Variants in CEP350 observed in about 807,000 individuals in gnomAD.
The protein encoded by CEP350 is centrosome-associated protein 350.
CEP350 carries 126 observed loss-of-function variants against 331.8 expected under a neutral mutation model. That is an observed-to-expected ratio of 0.38 (90% CI 0.33 to 0.44). The LOEUF (loss-of-function observed/expected upper bound fraction) is 0.44, where lower values mean the gene tolerates loss of function less well. CEP350 is among the 20% of genes least tolerant of loss of function. CEP350 has a pLI of 1.00. For missense variants in CEP350, 3,406 were observed against 3,634.6 expected (o/e 0.94, Z 1.62); for synonymous variants, 1,200 against 1,259.5 (o/e 0.95, Z 1.00).
chr1:180,021,709 C>T (rs1335578607), intron 12 of CEP350, among the ~76,000 whole-genome samples: 1 of 151,994 alleles, frequency 6.6e-6, no homozygotes, highest in African/African-American at 2.4e-5. Context: ...TGATTTGTGA[C>T]TTCTTGGGAA....
intron 1 of CEP350, among the ~76,000 whole-genome samples, chr1:179,973,396 A>C (rs1214627534): frequency 2.0e-5 from 3 of 152,194 alleles, no homozygotes; most frequent in Non-Finnish European, 4.4e-5. Flanking sequence ...TCTGCTGTTC[A>C]GTGAATCTAG....
intron 14 of CEP350, among the ~76,000 whole-genome samples, chr1:180,024,835 A>G (rs1192393374): frequency 6.6e-6 from 1 of 152,200 alleles, no homozygotes; most frequent in Non-Finnish European, 1.5e-5. Flanking sequence ...AAGAAAGACA[A>G]ATTTCCTTTG....
intron 26 of CEP350, 66 bp from the exon 27 acceptor site, chr1:180,065,049 A>G (rs533725650): frequency 7.0e-7 from 1 of 1,424,316 alleles, no homozygotes; most frequent in Middle Eastern, 1.9e-4. Context: ...TTTTGAATTG[A>G]CAGTATTATG....
chr1:180,017,247 C>T (rs898617211), intron 11 of CEP350, among the ~76,000 whole-genome samples: 2 of 152,196 alleles, frequency 1.3e-5, no homozygotes, highest in Non-Finnish European at 1.5e-5. Flanking sequence ...AACTACTCTA[C>T]ATACTACTCC....
chr1:179,990,442 A>T (rs927555328), intron 3 of CEP350, 65 bp from the exon 4 acceptor site: 2 of 792,176 alleles, frequency 2.5e-6, no homozygotes, highest in African/African-American at 3.5e-5. Flanking sequence ...ATAACCATGT[A>T]AATTGATGGT....
At chr1:179,964,134 T>A (rs904771168) in intron 1 of CEP350, among the ~76,000 whole-genome samples, 1 of 152,158 alleles carries the variant, frequency 6.6e-6, no homozygotes, top group African/African-American at 2.4e-5. Context: ...ATTATTGGCA[T>A]ATAGAAATGC....
rs77565204 is a variant in CEP350 at position 179,986,383 on chromosome 1, C to T, written c.73+129C>T. Reference sequence around the variant, plus strand: ...AAAGTGGATAAATCATTTTAAAATTCTCTTATATTTTAAATATACCTGGTG... The same window carrying T: ...AAAGTGGATAAATCATTTTAAAATTTTCTTATATTTTAAATATACCTGGTG... On this transcript the variant is annotated intron_variant, in intron 2 of 37. Transcript: ENST00000367607. 2.5e-3 allele frequency: 1,465 copies of T among 578,646 alleles called. 18 individuals carry two copies. Among genetic ancestry groups the T allele is most frequent in the African/African-American group, 0.025 (1,314 of 53,374 alleles). 35.8% of individuals were successfully genotyped at this position (578,646 alleles called of 1,614,324 possible).
At chr1:180,042,251 G>C (rs1455465880) in intron 19 of CEP350, among the ~76,000 whole-genome samples, 1 of 151,734 alleles carries the variant, frequency 6.6e-6, no homozygotes, top group Non-Finnish European at 1.5e-5. Context: ...TCAGTCCTGG[G>C]GAACCACTGA....
intron 26 of CEP350, among the ~76,000 whole-genome samples, chr1:180,064,099 A>G (rs867014940): frequency 1.3e-5 from 2 of 152,010 alleles, no homozygotes; most frequent in Non-Finnish European, 2.9e-5. Context: ...AAGTTGGGCT[A>G]TTCCCATCTC....
chr1:180,107,030 T>C (rs954921261), intron 37 of CEP350, among the ~76,000 whole-genome samples: 2 of 152,188 alleles, frequency 1.3e-5, no homozygotes, highest in African/African-American at 4.8e-5. Flanking sequence ...CCCAGCTTCG[T>C]GTCATTTCTA....
chr1:179,982,679 T>C (rs1045843755), intron 1 of CEP350, among the ~76,000 whole-genome samples: 3 of 152,344 alleles, frequency 2.0e-5, no homozygotes, highest in South Asian at 2.1e-4. Context: ...CAAAAAGATA[T>C]CTGCCCAAAG....
At chr1:180,101,028 A>G (rs899083856) in intron 37 of CEP350, among the ~76,000 whole-genome samples, 2 of 152,232 alleles carry the variant, frequency 1.3e-5, no homozygotes, top group East Asian at 1.9e-4. Context: ...AAACAGGGTC[A>G]GTTAAGCAGA....
Position 180,111,653 on chromosome 1 carries a change from C to T in CEP350, c.*492C>T, listed in dbSNP as rs1661472358. On this transcript the variant is annotated 3_prime_UTR_variant, in exon 38 of 38. Coordinates refer to ENST00000367607, the MANE Select transcript of CEP350 (RefSeq NM_014810.5). Reference sequence around the variant, plus strand: ...AGGCAAGCTCAATAATGTCTGCCAACTTCACATTCTGGAGTTTATTTCATT... The same window carrying T: ...AGGCAAGCTCAATAATGTCTGCCAATTTCACATTCTGGAGTTTATTTCATT... 6.5e-6 allele frequency: 1 copy of T among 152,750 alleles called. No individual in the cohort carries two copies. Among genetic ancestry groups the T allele is most frequent in the Non-Finnish European group, 1.5e-5 (1 of 68,124 alleles). The allele number at this position is 152,750 out of a possible 1,614,324, so 9.5% of individuals were successfully genotyped here.
intron 22 of CEP350, chr1:180,052,123 T>G (rs1238363347): frequency 2.3e-6 from 1 of 427,608 alleles, no homozygotes; most frequent in Non-Finnish European, 4.6e-6. Context: ...ATCCATATAT[T>G]ACCTAGCTCT....
intron 26 of CEP350, among the ~76,000 whole-genome samples, chr1:180,062,719 A>G (rs983227787): frequency 6.6e-6 from 1 of 152,162 alleles, no homozygotes; most frequent in Non-Finnish European, 1.5e-5. Context: ...TGCTAGCTCA[A>G]TCCCCTCTTT....
chr1:180,075,177 A>G lies in CEP350; in HGVS notation c.5723A>G (p.Lys1908Arg), dbSNP rs1388441123. The G allele has an allele frequency of 1.9e-6, 3 of 1,613,400 alleles. No homozygotes were observed. Among genetic ancestry groups the G allele is most frequent in the Non-Finnish European group, 1.7e-6 (2 of 1,179,652 alleles). The change falls in exon 28 of 38, where the codon AAA (lysine) becomes AGA (arginine). Residue 1908 changes from lysine to arginine, a missense_variant. Transcript: ENST00000367607. ...AAWDKELIKP[K>R]TPKKELEDQR... ...TGGGACAAAGAATTAATAAAACCCA[A>G]AACTCCTAAGAAAGAACTGGAGGAC...
chr1:180,048,688 C>G lies in CEP350; in HGVS notation c.4775C>G (p.Ser1592Cys), dbSNP rs1657285009. Reference sequence around the variant, plus strand: ...TCTCTACGAAGTGATAGTGTTCCATCTCTTCCTGATGAAAAAGGTAACTTT... The same window carrying G: ...TCTCTACGAAGTGATAGTGTTCCATGTCTTCCTGATGAAAAAGGTAACTTT... ...DDSLRSDSVP[S>C]LPDEKDSTSI... The change falls in exon 22 of 38, where the codon TCT becomes TGT. Residue 1592 changes from serine to cysteine, a missense_variant. Coordinates refer to ENST00000367607, the MANE Select transcript of CEP350 (RefSeq NM_014810.5). 6.2e-7 allele frequency: 1 copy of G among 1,610,172 alleles called. No individual in the cohort carries two copies. Among genetic ancestry groups the G allele is most frequent in the Non-Finnish European group, 8.5e-7 (1 of 1,178,414 alleles).
intron 6 of CEP350, among the ~76,000 whole-genome samples, 161 bp downstream of exon 6, chr1:179,997,336 T>G (rs1653523360): frequency 6.6e-6 from 1 of 151,960 alleles, no homozygotes; most frequent in Non-Finnish European, 1.5e-5. Context: ...GGTCGGGAGA[T>G]CAAGACCATC....
intron 14 of CEP350, among the ~76,000 whole-genome samples, chr1:180,029,353 T>A (rs1053234980): frequency 2.6e-5 from 4 of 152,228 alleles, no homozygotes; most frequent in African/African-American, 9.6e-5. Context: ...CAATATTAAG[T>A]GAATAAAGCG....
Sources: allele counts gnomAD v4.1 joint callset (sites outside exome capture counted in the v4.1 genomes callset), GRCh38; gene constraint gnomAD v4.1.1; transcripts MANE v1.5; gene names NCBI Gene and HGNC (gene_info 2026-07-23, HGNC 2026-07-21).